Variants in OPHN1 observed in about 807,000 individuals in gnomAD.
OPHN1 encodes oligophrenin 1, also known as oligophrenin-1.
Under a neutral mutation model 60.7 loss-of-function variants are expected in OPHN1, and 11 were observed. The ratio of observed to expected loss-of-function variants is 0.18; its 90% CI spans 0.11 to 0.30. The LOEUF (loss-of-function observed/expected upper bound fraction) is 0.30. OPHN1 is among the 10% of genes least tolerant of loss of function. OPHN1 has a pLI of 1.00. For missense variants in OPHN1, 449 were observed against 611.0 expected (o/e 0.73, Z 2.80); for synonymous variants, 226 against 222.6 (o/e 1.02, Z -0.14).
chrX:68,304,945 A>G (rs2078138359), intron 2 of OPHN1, among the ~76,000 whole-genome samples: 1 of 111,985 alleles, frequency 8.9e-6, no homozygotes, highest in Non-Finnish European at 1.9e-5. Flanking sequence ...TGAAAACAAC[A>G]CTGCTATTGG....
intron 19 of OPHN1, among the ~76,000 whole-genome samples, chrX:68,088,944 C>T (rs953617053): frequency 3.6e-5 from 4 of 111,041 alleles, no homozygotes; most frequent in African/African-American, 1.3e-4. Context: ...ATCTGAAGAG[C>T]TCACAGAGGT....
chrX:68,350,440 C>G (rs2078402111), intron 2 of OPHN1, among the ~76,000 whole-genome samples: 1 of 81,929 alleles, frequency 1.2e-5, no homozygotes, highest in Non-Finnish European at 2.3e-5. Flanking sequence ...CCCTCTCTCC[C>G]TCCCTCTCTC....
intron 2 of OPHN1, chrX:68,360,950 T>A (rs771976436): frequency 8.9e-5 from 10 of 112,018 alleles, no homozygotes; most frequent in Non-Finnish European, 1.7e-4. Flanking sequence ...AAATTGGTAA[T>A]CTTCTGCTAT....
At chrX:68,361,842 CAAAG>C (rs1210017118) in intron 2 of OPHN1, among the ~76,000 whole-genome samples, 1 of 111,894 alleles carries the variant, frequency 8.9e-6, no homozygotes, top group Non-Finnish European at 1.9e-5. Context: ...AACATTCCCA[CAAAG>C]TGTACACACT....
At chrX:68,100,943 T>A (rs1299859924) in intron 18 of OPHN1, among the ~76,000 whole-genome samples, 1 of 110,393 alleles carries the variant, frequency 9.1e-6, no homozygotes, top group African/African-American at 3.3e-5. Context: ...AGATGGGGTT[T>A]CACCATGTTA....
At chrX:68,175,983 T>C (rs1304866171) in intron 15 of OPHN1, among the ~76,000 whole-genome samples, 3 of 111,868 alleles carry the variant, frequency 2.7e-5, no homozygotes, top group Non-Finnish European at 5.6e-5. Context: ...AGGACAGTCT[T>C]TGAAACAAAT....
intron 3 of OPHN1, among the ~76,000 whole-genome samples, chrX:68,285,816 T>C (rs2078038514): frequency 9.0e-6 from 1 of 111,004 alleles, no homozygotes; most frequent in African/African-American, 3.3e-5. Context: ...GTAGTAAGTT[T>C]TTCATTTCAG....
At position 68,221,981 on chromosome X, in the gene OPHN1, G is replaced by A. The variant is rs2077661902; in HGVS notation, c.487-8009C>T. On this transcript the variant is annotated intron_variant, in intron 6 of 24. Transcript: ENST00000355520. The stretch of plus-strand genomic sequence containing the variant: ...CACAGCAAAAGAAACTACCATCAGA[G>A]CAAACAGGCAACCTACAAAATGGGA... Among the ~76,000 whole-genome samples the A allele has an allele frequency of 3.7e-5, 4 of 108,003 alleles. 1 individual carries two copies. The Admixed American group carries it at 4.0e-4, about 11-fold the overall frequency. The allele number at this position is 108,003 out of a possible 115,157, so 93.8% of individuals were successfully genotyped here.
Position 68,210,229 on chromosome X carries a change from C to T in OPHN1, c.756G>A (p.Arg252=). Residue 252 remains arginine, a synonymous_variant, in exon 9 of 25, where the codon AGG becomes AGA. Coordinates refer to ENST00000355520, the MANE Select transcript of OPHN1 (RefSeq NM_002547.3). ...TGCATGTCTGGGGAGCTTCTTTCAT[C>T]CTTTTCTTAAGTTCTTCCATCTCTT... ...TREEMEELKK[R]MKEAPQTCKL... is the part of the protein sequence containing the mutation. 1 of 1,209,065 alleles carries T rather than the reference C, an allele frequency of 8.3e-7. No homozygotes were observed. Among genetic ancestry groups the T allele is most frequent in the Non-Finnish European group, 1.1e-6 (1 of 893,211 alleles).
At chrX:68,241,957 G>A (rs141581392) in intron 5 of OPHN1, among the ~76,000 whole-genome samples, 1,384 of 110,291 alleles carry the variant, frequency 0.013, 14 homozygotes, top group Non-Finnish European at 0.02. Context: ...GAAAATAAAT[G>A]AGCAAAACTT....
At chrX:68,176,925 T>C (rs1179666486) in intron 15 of OPHN1, among the ~76,000 whole-genome samples, 1 of 108,938 alleles carries the variant, frequency 9.2e-6, no homozygotes, top group African/African-American at 3.3e-5. Flanking sequence ...AGCCCAAGTG[T>C]CTATCCACAG....
At chrX:68,266,686 C>A (rs948456110) in intron 5 of OPHN1, among the ~76,000 whole-genome samples, 1 of 111,308 alleles carries the variant, frequency 9.0e-6, no homozygotes, top group South Asian at 3.9e-4. Flanking sequence ...CAATATTAAC[C>A]TTAATGTGAA....
chrX:68,252,793 TC>T (rs1184338990), intron 5 of OPHN1, among the ~76,000 whole-genome samples: 2 of 111,286 alleles, frequency 1.8e-5, no homozygotes, highest in Non-Finnish European at 3.8e-5. Context: ...GCCAGCCACT[TC>T]CTAATTGTCA....
intron 2 of OPHN1, among the ~76,000 whole-genome samples, chrX:68,308,403 C>T (rs748406808): frequency 2.7e-5 from 3 of 110,185 alleles, no homozygotes; most frequent in Non-Finnish European, 5.7e-5. Flanking sequence ...CCAGCCTGGC[C>T]AACATGGTGA....
At chrX:68,334,095 G>A (rs1435841922) in intron 2 of OPHN1, among the ~76,000 whole-genome samples, 1 of 109,584 alleles carries the variant, frequency 9.1e-6, no homozygotes, top group Admixed American at 9.9e-5. Context: ...ATGGGTTTTC[G>A]CCATGTTGTC....
chrX:68,157,348 G>A (rs749482091), intron 15 of OPHN1, among the ~76,000 whole-genome samples: 23 of 111,928 alleles, frequency 2.1e-4, no homozygotes, highest in Admixed American at 1.6e-3. Flanking sequence ...CCAATAGTAT[G>A]TTGGATAAAG....
intron 21 of OPHN1, among the ~76,000 whole-genome samples, chrX:68,063,294 G>A (rs773680590): frequency 3.9e-4 from 43 of 111,477 alleles, no homozygotes; most frequent in Non-Finnish European, 6.8e-4. Context: ...GCCAAGGCAG[G>A]TGGATCACCT....
At chrX:68,257,499 G>A (rs1200742670) in intron 5 of OPHN1, among the ~76,000 whole-genome samples, 1 of 111,335 alleles carries the variant, frequency 9.0e-6, no homozygotes, top group Non-Finnish European at 1.9e-5. Context: ...TTCCTGTTCT[G>A]TAAAATGGGG....
intron 5 of OPHN1, among the ~76,000 whole-genome samples, chrX:68,240,603 C>G (rs1346218029): frequency 9.0e-6 from 1 of 110,681 alleles, no homozygotes; most frequent in African/African-American, 3.3e-5. Context: ...TTATTTTACT[C>G]TATATTCTCT....
Sources: allele counts gnomAD v4.1 joint callset (sites outside exome capture counted in the v4.1 genomes callset), GRCh38; gene constraint gnomAD v4.1.1; transcripts MANE v1.5; gene names NCBI Gene and HGNC (gene_info 2026-07-23, HGNC 2026-07-21).